Variants in SLC35D4 observed in about 807,000 individuals in gnomAD.
SLC35D4 encodes the protein UDP-N-acetylglucosamine transporter SLC35D4.
chr18:23,432,401 C>A, the SLC35D4 span, among the ~76,000 whole-genome samples: 1 of 152,114 alleles, frequency 6.6e-6, no homozygotes, highest in South Asian at 2.1e-4. Flanking sequence ...AGAGAAGGAG[C>A]CCCATGCGCG....
the SLC35D4 span, among the ~76,000 whole-genome samples, chr18:23,253,299 A>G: frequency 2.0e-5 from 3 of 152,170 alleles, no homozygotes; most frequent in East Asian, 1.9e-4. Context: ...CCTGGCCCAC[A>G]TGGTGAAATC....
At chr18:23,362,168 A>G in the SLC35D4 span, among the ~76,000 whole-genome samples, 1 of 152,230 alleles carries the variant, frequency 6.6e-6, no homozygotes, top group African/African-American at 2.4e-5. Flanking sequence ...CTGTTGGCCA[A>G]AATGTCTAAA....
the SLC35D4 span, among the ~76,000 whole-genome samples, chr18:23,432,991 A>T: frequency 1.3e-5 from 1 of 74,200 alleles, no homozygotes; most frequent in Non-Finnish European, 3.3e-5. Context: ...AAAAAAAAAA[A>T]AAAAAAAAAA....
At chr18:23,254,386 C>A in the SLC35D4 span, among the ~76,000 whole-genome samples, 4 of 152,208 alleles carry the variant, frequency 2.6e-5, no homozygotes, top group Non-Finnish European at 4.4e-5. Flanking sequence ...AAAGGAGAGC[C>A]CTAGCAAAGC....
chr18:23,377,126 G>T, the SLC35D4 span, among the ~76,000 whole-genome samples: 2 of 152,172 alleles, frequency 1.3e-5, no homozygotes, highest in Non-Finnish European at 2.9e-5. Flanking sequence ...GAATTCAAAT[G>T]CTGCAGGCAC....
chr18:23,261,401 C>T, the SLC35D4 span, among the ~76,000 whole-genome samples: 6 of 151,770 alleles, frequency 4.0e-5, no homozygotes, highest in Non-Finnish European at 8.8e-5. Flanking sequence ...TCTGGGAGGC[C>T]GAGGTGGGTG....
the SLC35D4 span, among the ~76,000 whole-genome samples, chr18:23,313,516 G>C: frequency 6.6e-6 from 1 of 152,230 alleles, no homozygotes; most frequent in East Asian, 1.9e-4. Flanking sequence ...TGGGTGACAA[G>C]GTCATCCAGG....
the SLC35D4 span, among the ~76,000 whole-genome samples, chr18:23,347,618 T>C: frequency 1.3e-5 from 2 of 152,162 alleles, no homozygotes; most frequent in African/African-American, 4.8e-5. Context: ...AGAGATGGTG[T>C]ATCACTACGT....
chr18:23,437,927 AGCAGCAGCGGCAGCG>A, the SLC35D4 span: 1 of 1,504,430 alleles, frequency 6.6e-7, no homozygotes. Flanking sequence ...CCCCCGCAGC[AGCAGCAGCGGCAGCG>A]GCAGCAGCCG....
At chr18:23,252,855 C>A in the SLC35D4 span, 3,113 of 702,128 alleles carry the variant, frequency 4.4e-3, 14 homozygotes, top group Non-Finnish European at 6.8e-3. Context: ...CAAGTTTTCC[C>A]GTTGCTCATG....
chr18:23,265,155 A>G, the SLC35D4 span, among the ~76,000 whole-genome samples: 1 of 152,234 alleles, frequency 6.6e-6, no homozygotes, highest in Non-Finnish European at 1.5e-5. Flanking sequence ...TGCAGATCCC[A>G]GCACCCAGGT....
chr18:23,432,307 T>G, the SLC35D4 span, among the ~76,000 whole-genome samples: 1 of 152,182 alleles, frequency 6.6e-6, no homozygotes. Context: ...AGAAACGCAA[T>G]TCCTCACATC....
the SLC35D4 span, chr18:23,297,775 T>G: frequency 2.0e-6 from 1 of 502,246 alleles, no homozygotes; most frequent in Non-Finnish European, 3.6e-6. Context: ...TCCTCTGCAG[T>G]GACCTGCAGA....
chr18:23,403,344 T>C, the SLC35D4 span, among the ~76,000 whole-genome samples: 3 of 152,166 alleles, frequency 2.0e-5, no homozygotes, highest in East Asian at 5.8e-4. Context: ...TGCTATACAA[T>C]AAGGGAAACT....
chr18:23,246,455 G>GCC, the SLC35D4 span, among the ~76,000 whole-genome samples: 1 of 151,800 alleles, frequency 6.6e-6, no homozygotes, highest in Non-Finnish European at 1.5e-5. Context: ...GCAGTGGCAA[G>GCC]ATCTTGGCTC....
chr18:23,303,732 C>T, the SLC35D4 span, among the ~76,000 whole-genome samples: 1 of 150,060 alleles, frequency 6.7e-6, no homozygotes, highest in Non-Finnish European at 1.5e-5. Flanking sequence ...AAAACCTGGT[C>T]TCTCCTAAAA....
At chr18:23,245,324 A>G in the SLC35D4 span, among the ~76,000 whole-genome samples, 1 of 152,146 alleles carries the variant, frequency 6.6e-6, no homozygotes, top group Admixed American at 6.5e-5. Flanking sequence ...CCTAGCCAAC[A>G]TGGCGAAACC....
At chr18:23,257,502 C>A in the SLC35D4 span, 1 of 1,031,774 alleles carries the variant, frequency 9.7e-7, no homozygotes, top group Non-Finnish European at 1.4e-6. Context: ...TGGGGAGAAG[C>A]AGTACTAGAA....
chr18:23,262,486 A>G, the SLC35D4 span, among the ~76,000 whole-genome samples: 1 of 152,170 alleles, frequency 6.6e-6, no homozygotes, highest in African/African-American at 2.4e-5. Flanking sequence ...AAATGGGCAG[A>G]CCTCCAGTTT....
Sources: gnomAD v4.1 joint callset for allele counts (sites outside exome capture counted in the v4.1 genomes callset) on GRCh38, gnomAD v4.1.1 for gene constraint, MANE v1.5 for transcripts, NCBI Gene and HGNC (gene_info 2026-07-23, HGNC 2026-07-21) for gene names.